KREMEN1: variants seen among roughly 807,000 people sequenced by gnomAD.
The protein encoded by KREMEN1 is kremen protein 1.
A neutral mutation model predicts 46.5 loss-of-function variants in KREMEN1; 30 were observed. The observed-to-expected ratio is 0.65, with a 90% CI of 0.48 to 0.88. KREMEN1 has a LOEUF of 0.88. Among genes scored for constraint, KREMEN1 ranks in the 40% least tolerant of loss-of-function variants. The probability of loss-of-function intolerance (pLI) is 0.00; values close to 1 mark genes in which losing one functional copy is unlikely to be tolerated. For synonymous variants in KREMEN1, 214 were observed against 230.6 expected, an observed-to-expected ratio of 0.93 and a Z score of 0.65; for missense variants, 533 against 596.9, an observed-to-expected ratio of 0.89 and a Z score of 1.11.
At chr22:29,155,916 G>A (rs2038957119) in intron 9 of KREMEN1, among the ~76,000 whole-genome samples, 1 of 151,676 alleles carries the variant, frequency 6.6e-6, no homozygotes, top group Non-Finnish European at 1.5e-5. Flanking sequence ...CTGAGACGGT[G>A]CCACTGCATT....
chr22:29,167,213 GC>G, exon 10 of KREMEN1: 1 of 940,760 alleles, frequency 1.1e-6, no homozygotes, highest in Non-Finnish European at 1.7e-6. Flanking sequence ...GCTCTCTCTG[GC>G]CCAGCGTGGT....
rs181744257 is a variant in KREMEN1 at position 29,143,529 on chromosome 22, T to A, written c.*1417T>A. ...AGGCTGAGGCGGGTGGATCACGAGGTCAGGTGATCGAAACCATCCTGGCTA... is the reference window on the plus strand; with the variant it reads ...AGGCTGAGGCGGGTGGATCACGAGGACAGGTGATCGAAACCATCCTGGCTA... On this transcript the variant is annotated 3_prime_UTR_variant, in exon 9 of 9. Coordinates refer to ENST00000400335, the MANE Select transcript of KREMEN1 (RefSeq NM_001039570.3). The A allele has an allele frequency of 1.9e-4, 174 of 894,556 alleles. No individual in the cohort carries two copies. The African/African-American group carries it at 2.8e-3, about 15-fold the overall frequency. 55.4% of individuals were successfully genotyped at this position (894,556 alleles called of 1,614,324 possible). A position where few individuals can be genotyped will look rare whatever the true frequency, so the allele number is the denominator to read the frequency against.
chr22:29,148,332 G>A (rs2038887555), downstream of KREMEN1, among the ~76,000 whole-genome samples: 1 of 152,178 alleles, frequency 6.6e-6, no homozygotes, highest in South Asian at 2.1e-4. Flanking sequence ...AGGCTATGGG[G>A]GACAGCGTCC....
At chr22:29,074,891 C>T (rs2037541157) in intron 1 of KREMEN1, among the ~76,000 whole-genome samples, 2 of 152,172 alleles carry the variant, frequency 1.3e-5, no homozygotes, top group Non-Finnish European at 2.9e-5. Context: ...CTGTAGGTAA[C>T]ATACCCGCAT....
At chr22:29,127,688 A>G (rs2038468363) in intron 5 of KREMEN1, among the ~76,000 whole-genome samples, 1 of 152,164 alleles carries the variant, frequency 6.6e-6, no homozygotes, top group African/African-American at 2.4e-5. Context: ...ATTTCCTCAA[A>G]ACGTGAACAG....
chr22:29,102,412 C>T (rs1190196173), intron 3 of KREMEN1, among the ~76,000 whole-genome samples: 6 of 152,134 alleles, frequency 3.9e-5, no homozygotes, highest in Non-Finnish European at 2.9e-5. Context: ...ATCTCATTTG[C>T]CTCTAGTTAT....
At position 29,142,199 on chromosome 22, in the gene KREMEN1, C is replaced by G; in HGVS notation, c.*87C>G. 3 of 1,439,364 alleles carry G rather than the reference C, an allele frequency of 2.1e-6. No individual in the cohort carries two copies. The highest frequency in any genetic ancestry group is 2.7e-6 in the Non-Finnish European group (3 of 1,096,926). 89.2% of individuals were successfully genotyped at this position (1,439,364 alleles called of 1,614,324 possible). On this transcript the variant is annotated 3_prime_UTR_variant, in exon 9 of 9. Transcript: ENST00000400335. ...TCTCCTGTGGTTCTTCTCTGACAGA[C>G]TCTTCCCCTCCTCTCCCTCTGCCTC...
At chr22:29,129,136 C>A (rs190240791) in intron 5 of KREMEN1, among the ~76,000 whole-genome samples, 27 of 152,174 alleles carry the variant, frequency 1.8e-4, no homozygotes, top group Non-Finnish European at 7.3e-5. Context: ...GTAACTCACA[C>A]CCCATTGCTC....
intron 1 of KREMEN1, among the ~76,000 whole-genome samples, chr22:29,080,104 G>T (rs1473960509): frequency 1.3e-5 from 2 of 152,148 alleles, no homozygotes; most frequent in African/African-American, 4.8e-5. Flanking sequence ...AAATAAACAG[G>T]ATGGGGACTG....
intron 5 of KREMEN1, among the ~76,000 whole-genome samples, chr22:29,137,067 G>T (rs1195826752): frequency 3.3e-5 from 5 of 152,194 alleles, no homozygotes; most frequent in Admixed American, 3.3e-4. Flanking sequence ...GGCCCTGCCA[G>T]TCCCAAGTCC....
chr22:29,150,795 G>A (rs1027661286), downstream of KREMEN1, among the ~76,000 whole-genome samples: 2 of 152,178 alleles, frequency 1.3e-5, no homozygotes, highest in Non-Finnish European at 2.9e-5. Flanking sequence ...TCTGCAGTAC[G>A]TACTGTGTAC....
At position 29,133,837 on chromosome 22, in the gene KREMEN1, G is replaced by A. The variant is rs572476984; in HGVS notation, c.632-3505G>A. 3.3e-5 allele frequency among the ~76,000 whole-genome samples: 5 copies of A among 151,988 alleles called. 1 individual carries two copies. In the East Asian group the frequency reaches 9.7e-4, roughly 29 times the overall value. ...TCTTCTTTTGGCACTGCAATTACAC[G>A]TATGTTAGACTATTTGATATTGTCC... On this transcript the variant is annotated intron_variant, in intron 5 of 8. Coordinates refer to ENST00000400335, the MANE Select transcript of KREMEN1 (RefSeq NM_001039570.3).
chr22:29,151,251 A>G (rs373231883), downstream of KREMEN1, among the ~76,000 whole-genome samples: 18 of 152,288 alleles, frequency 1.2e-4, no homozygotes, highest in East Asian at 2.3e-3. Context: ...GAATCTCTCC[A>G]TTAAGCCATG....
In KREMEN1 at chr22:29,160,539, C is replaced by CAAAAAAAAAAAA. The variant is rs132303; in HGVS notation, c.1417-6492_1417-6481dup. 1.4e-3 allele frequency among the ~76,000 whole-genome samples: 147 copies of CAAAAAAAAAAAA among 103,482 alleles called. 1 individual carries two copies. The highest frequency in any genetic ancestry group is 5.1e-3 in the African/African-American group (142 of 27,576). 67.9% of individuals were successfully genotyped at this position (103,482 alleles called of 152,430 possible). ...TGGGTGACAGACCGAGACTCCGTCT[C>CAAAAAAAAAAAA]AAAAAAAAAAAAAAAAAAAAAAAAT... On this transcript the variant is annotated intron_variant, in intron 9 of 9. Coordinates refer to the KREMEN1 transcript ENST00000327813.
At chr22:29,093,171 A>G (rs1177274705) in intron 1 of KREMEN1, among the ~76,000 whole-genome samples, 1 of 152,164 alleles carries the variant, frequency 6.6e-6, no homozygotes, top group African/African-American at 2.4e-5. Flanking sequence ...GAATGTGTTC[A>G]TGTTGTTCAC....
At chr22:29,151,920 G>T (rs2038917886) in intron 9 of KREMEN1, among the ~76,000 whole-genome samples, 1 of 151,046 alleles carries the variant, frequency 6.6e-6, no homozygotes, top group Non-Finnish European at 1.5e-5. Context: ...TGAGGCAGGA[G>T]AATTGCTTGA....
chr22:29,098,811 C>A, intron 2 of KREMEN1, 51 bp from the exon 3 acceptor site: 1 of 1,303,656 alleles, frequency 7.7e-7, no homozygotes, highest in Non-Finnish European at 1.1e-6. Context: ...AGCAATGAAC[C>A]AGTTGAATTA....
intron 9 of KREMEN1, among the ~76,000 whole-genome samples, chr22:29,165,422 C>G (rs1186920970): frequency 5.3e-5 from 8 of 151,686 alleles, no homozygotes; most frequent in Admixed American, 5.3e-4. Flanking sequence ...AAAAGTAGTT[C>G]AGAAATCATA....
rs2038870836 is a variant in KREMEN1, at chr22:29,146,749, A to G, written c.*4637A>G. 5.3e-6 allele frequency: 5 copies of G among 939,848 alleles called. No homozygotes were observed. Among genetic ancestry groups the G allele is most frequent in the Admixed American group, 6.2e-5 (1 of 16,200 alleles). The allele number at this position is 939,848 out of a possible 1,614,324, so 58.2% of individuals were successfully genotyped here. ...ATTTAAGAAAATGGAATGTAATGGT[A>G]CTTTTACAAACGAGAAAAAATGTTA... On this transcript the variant is annotated 3_prime_UTR_variant, in exon 9 of 9. Coordinates refer to ENST00000400335, the MANE Select transcript of KREMEN1 (RefSeq NM_001039570.3).
Sources: gnomAD v4.1 joint callset for allele counts (sites outside exome capture counted in the v4.1 genomes callset) on GRCh38, gnomAD v4.1.1 for gene constraint, MANE v1.5 for transcripts, NCBI Gene and HGNC (gene_info 2026-07-23, HGNC 2026-07-21) for gene names.